Variants in LRIT3 observed in about 807,000 individuals in gnomAD.
The protein encoded by LRIT3 is leucine-rich repeat, immunoglobulin-like domain and transmembrane domain-containing protein 3.
In LRIT3, 14 loss-of-function variants were observed where a neutral mutation model predicts 22.6. That is an observed-to-expected ratio of 0.62 (90% CI 0.41 to 0.97). The LOEUF (loss-of-function observed/expected upper bound fraction) is 0.97, where lower values mean the gene tolerates loss of function less well. Among genes scored for constraint, LRIT3 ranks in the 50% least tolerant of loss-of-function variants. LRIT3 has a pLI of 0.00. For synonymous variants in LRIT3, 306 were observed against 304.5 expected, an observed-to-expected ratio of 1.01 and a Z score of -0.05; for missense variants, 783 against 803.0, an observed-to-expected ratio of 0.98 and a Z score of 0.30.
In LRIT3 at chr4:109,871,906, G is replaced by A. The variant is rs1054597998; in HGVS notation, c.*1117G>A. ...GAAAGAGAATATTTTAATAACTGTAGTATACTACAAGAAACATCTCATGGC... is the reference window on the plus strand; with the variant it reads ...GAAAGAGAATATTTTAATAACTGTAATATACTACAAGAAACATCTCATGGC... On this transcript the variant is annotated 3_prime_UTR_variant, in exon 4 of 4. Transcript: ENST00000594814. The A allele has an allele frequency of 6.6e-6, 1 of 152,158 alleles. No homozygotes were observed. The highest frequency in any genetic ancestry group is 2.4e-5 in the African/African-American group (1 of 41,436). The allele number at this position is 152,158 out of a possible 1,614,324, so 9.4% of individuals were successfully genotyped here. A position where few individuals can be genotyped will look rare whatever the true frequency, so the allele number is the denominator to read the frequency against.
chr4:109,852,923 C>T (rs989916314), intron 2 of LRIT3, among the ~76,000 whole-genome samples: 4 of 152,088 alleles, frequency 2.6e-5, no homozygotes, highest in Non-Finnish European at 5.9e-5. Context: ...TGAACTCATG[C>T]TTTTTATGGC....
At chr4:109,850,422 C>CCTTCCTTCTTTCTTTCCTTCTTT (rs66553123) in intron 1 of LRIT3, among the ~76,000 whole-genome samples, 1 of 55,088 alleles carries the variant, frequency 1.8e-5, no homozygotes, top group South Asian at 7.3e-4. Context: ...TTCCTTCCTT[C>CCTTCCTTCTTTCTTTCCTTCTTT]CTTTCTTTCT....
intron 3 of LRIT3, among the ~76,000 whole-genome samples, chr4:109,868,986 A>G (rs1734754128): frequency 6.6e-6 from 1 of 152,190 alleles, no homozygotes; most frequent in African/African-American, 2.4e-5. Flanking sequence ...AAATATACCC[A>G]GATATCAGAG....
chr4:109,870,570 C>A lies in LRIT3; in HGVS notation c.1821C>A (p.Cys607Ter). 1 of 1,613,992 alleles carries A rather than the reference C, an allele frequency of 6.2e-7. No homozygotes were observed. The change falls in exon 4 of 4, where the codon TGC (cysteine) becomes TGA (stop). Residue 607 changes from cysteine to a stop codon, truncating the protein, a stop_gained. Transcript: ENST00000594814. LOFTEE classifies it high-confidence loss of function. The stretch of plus-strand genomic sequence containing the variant: ...TTTGTTTCTTGTTGTACAAAGTTTG[C>A]AAACTGCAATGTAAATCAGAACCTT... Reference protein sequence around the residue: ...PLICFLLYKVCKLQCKSEPFW... With the variant: ...PLICFLLYKV
intron 2 of LRIT3, among the ~76,000 whole-genome samples, chr4:109,853,602 TC>T (rs1734324383): frequency 6.6e-6 from 1 of 152,226 alleles, no homozygotes; most frequent in Admixed American, 6.5e-5. Flanking sequence ...TTTAATTAGA[TC>T]CCATTTGTCA....
chr4:109,865,139 G>A (rs1347689110), intron 2 of LRIT3: 6 of 1,450,316 alleles, frequency 4.1e-6, no homozygotes, highest in South Asian at 1.3e-5. Context: ...CGTTACGGCT[G>A]TAAAAAGCTC....
chr4:109,852,501 T>A (rs907427373), intron 2 of LRIT3, among the ~76,000 whole-genome samples: 4 of 152,236 alleles, frequency 2.6e-5, no homozygotes, highest in Non-Finnish European at 5.9e-5. Context: ...TGGCCCCAAA[T>A]GGTTCTCCTA....
rs527617346 is a variant in LRIT3 at position 109,860,486 on chromosome 4, A to G, written c.590-7155A>G. ...CTCACCCTCTTTCTATAGCTGGCAG[A>G]GTCAAGTTTCAAATTTACAGTTAAT... On this transcript the variant is annotated intron_variant, in intron 2 of 3. Coordinates refer to ENST00000594814, the MANE Select transcript of LRIT3 (RefSeq NM_198506.5). 5.9e-5 allele frequency among the ~76,000 whole-genome samples: 9 copies of G among 152,328 alleles called. No homozygotes were observed. The East Asian group carries it at 1.5e-3, about 26-fold the overall frequency.
chr4:109,863,481 T>G (rs1393401568), intron 2 of LRIT3, among the ~76,000 whole-genome samples: 1 of 152,168 alleles, frequency 6.6e-6, no homozygotes, highest in African/African-American at 2.4e-5. Flanking sequence ...TGTTCTTTGA[T>G]CTCCTGAATC....
chr4:109,850,422 C>CCTTTCTTTCTTTCTTTCTTTCTTTCTTT (rs1251866042), intron 1 of LRIT3, among the ~76,000 whole-genome samples: 7 of 55,092 alleles, frequency 1.3e-4, no homozygotes, highest in African/African-American at 4.5e-4. Flanking sequence ...TTCCTTCCTT[C>CCTTTCTTTCTTTCTTTCTTTCTTTCTTT]CTTTCTTTCT....
intron 2 of LRIT3, among the ~76,000 whole-genome samples, chr4:109,862,551 G>A (rs577966969): frequency 6.6e-6 from 1 of 152,200 alleles, no homozygotes; most frequent in South Asian, 2.1e-4. Context: ...TATATAACCA[G>A]TGAAATTAAT....
intron 2 of LRIT3, among the ~76,000 whole-genome samples, chr4:109,858,791 T>G (rs1734465401): frequency 6.6e-6 from 1 of 152,200 alleles, no homozygotes; most frequent in African/African-American, 2.4e-5. Flanking sequence ...TTCTGTTACT[T>G]CTTTCTACAA....
chr4:109,858,031 CT>C (rs940282794), intron 2 of LRIT3, among the ~76,000 whole-genome samples: 8 of 152,052 alleles, frequency 5.3e-5, no homozygotes, highest in Non-Finnish European at 1.2e-4. Context: ...ATTAGTGGGT[CT>C]CAGGCACAAA....
intron 2 of LRIT3, among the ~76,000 whole-genome samples, chr4:109,862,097 C>A (rs1047805969): frequency 1.3e-5 from 2 of 152,200 alleles, no homozygotes; most frequent in African/African-American, 4.8e-5. Context: ...GTTGTCTCCA[C>A]AAAGCTGAGT....
chr4:109,851,071 G>GT (rs1734242598), intron 1 of LRIT3, among the ~76,000 whole-genome samples: 1 of 152,146 alleles, frequency 6.6e-6, no homozygotes, highest in Non-Finnish European at 1.5e-5. Context: ...GACAGAAGTG[G>GT]TTTTGAAAGG....
chr4:109,870,169 T>C lies in LRIT3; in HGVS notation c.1420T>C (p.Leu474=), dbSNP rs1442357744. The part of the protein sequence containing the change: ...ASTSKKEELA[L]LDQTMLTETN... ...CACAAGTAAGAAAGAAGAGCTGGCATTGTTGGATCAAACAATGCTTACGGA... is the reference window on the plus strand; with the variant it reads ...CACAAGTAAGAAAGAAGAGCTGGCACTGTTGGATCAAACAATGCTTACGGA... Residue 474 remains leucine, a synonymous_variant, in exon 4 of 4, where the codon TTG becomes CTG. Coordinates refer to ENST00000594814, the MANE Select transcript of LRIT3 (RefSeq NM_198506.5). 9 of 1,614,188 alleles carry C rather than the reference T, an allele frequency of 5.6e-6. No homozygotes were observed. The highest frequency in any genetic ancestry group is 4.4e-5 in the South Asian group (4 of 91,086).
intron 2 of LRIT3, among the ~76,000 whole-genome samples, chr4:109,853,263 A>G (rs1734317085): frequency 6.6e-6 from 1 of 152,078 alleles, no homozygotes; most frequent in Non-Finnish European, 1.5e-5. Context: ...TGACTTTTTA[A>G]TGATCGCCAT....
chr4:109,870,390 T>C lies in LRIT3; in HGVS notation c.1641T>C (p.Gly547=), dbSNP rs979617930. The change falls in exon 4 of 4, where the codon GGT becomes GGC. Residue 547 remains glycine (G), a synonymous_variant. Coordinates refer to ENST00000594814, the MANE Select transcript of LRIT3 (RefSeq NM_198506.5). The stretch of plus-strand genomic sequence containing the variant: ...TAACCATAGATGGCTTGGAACCCGG[T>C]GGGCAATACATGGCCTGTGTCTGTC... The part of the protein sequence containing the change: ...NQVTIDGLEP[G]GQYMACVCPK... 2.5e-6 allele frequency: 4 copies of C among 1,614,182 alleles called. No individual in the cohort carries two copies. Among genetic ancestry groups the C allele is most frequent in the South Asian group, 1.1e-5 (1 of 91,076 alleles).
intron 2 of LRIT3, among the ~76,000 whole-genome samples, chr4:109,860,585 G>A (rs1734512967): frequency 6.6e-6 from 1 of 152,124 alleles, no homozygotes; most frequent in Non-Finnish European, 1.5e-5. Context: ...TTGTATAGGT[G>A]GAATGCAGGA....
Sources: gnomAD v4.1 joint callset for allele counts (sites outside exome capture counted in the v4.1 genomes callset) on GRCh38, gnomAD v4.1.1 for gene constraint, MANE v1.5 for transcripts, NCBI Gene and HGNC (gene_info 2026-07-23, HGNC 2026-07-21) for gene names.